The following TTC28 variants were observed in gnomAD, a reference collection of about 807,000 sequenced individuals.
TTC28 encodes tetratricopeptide repeat domain 28, also known as tetratricopeptide repeat protein 28.
Under a neutral mutation model 198.0 loss-of-function variants are expected in TTC28, and 61 were observed. That is an observed-to-expected ratio of 0.31 (90% CI 0.25 to 0.38). The LOEUF is 0.38. Ranked by LOEUF, TTC28 falls within the 10% of genes least tolerant of loss-of-function variation. TTC28 has a pLI of 1.00. For missense variants in TTC28, 2,678 were observed against 3,164.0 expected (o/e 0.85, Z 3.69); for synonymous variants, 1,171 against 1,297.8 (o/e 0.90, Z 2.10).
chr22:28,231,660 G>A (rs937473742), intron 5 of TTC28, among the ~76,000 whole-genome samples: 1 of 152,184 alleles, frequency 6.6e-6, no homozygotes, highest in Non-Finnish European at 1.5e-5. Flanking sequence ...TGCAAGAGTT[G>A]TCAGGAACTC....
At chr22:28,562,949 C>T (rs1233016022) in intron 2 of TTC28, among the ~76,000 whole-genome samples, 2 of 152,024 alleles carry the variant, frequency 1.3e-5, no homozygotes, top group East Asian at 3.9e-4. Flanking sequence ...ATAGCAAAAC[C>T]CTGTCTCTAC....
chr22:28,460,983 C>A (rs1457028113), intron 2 of TTC28, among the ~76,000 whole-genome samples: 2 of 152,134 alleles, frequency 1.3e-5, no homozygotes, highest in Non-Finnish European at 2.9e-5. Context: ...CATACCTGGC[C>A]TCCTATGATT....
At chr22:28,343,705 C>G (rs1480046066) in intron 2 of TTC28, among the ~76,000 whole-genome samples, 1 of 152,172 alleles carries the variant, frequency 6.6e-6, no homozygotes, top group Non-Finnish European at 1.5e-5. Context: ...CTATAAACAT[C>G]TACTGGAGCC....
chr22:28,548,807 C>G (rs948120962), intron 2 of TTC28, among the ~76,000 whole-genome samples: 1 of 152,174 alleles, frequency 6.6e-6, no homozygotes, highest in Non-Finnish European at 1.5e-5. Flanking sequence ...TCCTTACCCC[C>G]ATGACAGTCA....
At chr22:28,008,043 G>A (rs373556462) in intron 14 of TTC28, 1 of 152,276 alleles carries the variant, frequency 6.6e-6, no homozygotes, top group East Asian at 1.9e-4. Context: ...ACCTCATACT[G>A]GAATCTAGGT....
intron 5 of TTC28, among the ~76,000 whole-genome samples, chr22:28,208,795 C>T (rs564823083): frequency 3.0e-4 from 46 of 152,112 alleles, no homozygotes; most frequent in Non-Finnish European, 5.3e-4. Context: ...GAACTGACTC[C>T]GAGAAATGAT....
intron 2 of TTC28, among the ~76,000 whole-genome samples, chr22:28,381,359 G>C (rs558346989): frequency 6.6e-6 from 1 of 152,182 alleles, no homozygotes; most frequent in South Asian, 2.1e-4. Context: ...TACCTTAGAG[G>C]CTTCTTGCAA....
At chr22:28,527,587 T>C (rs1246242325) in intron 2 of TTC28, among the ~76,000 whole-genome samples, 1 of 152,220 alleles carries the variant, frequency 6.6e-6, no homozygotes, top group East Asian at 1.9e-4. Flanking sequence ...CCCTAAGCTT[T>C]AGGGTGCCCT....
At chr22:28,586,763 C>T (rs968026619) in intron 2 of TTC28, among the ~76,000 whole-genome samples, 1 of 152,126 alleles carries the variant, frequency 6.6e-6, no homozygotes, top group African/African-American at 2.4e-5. Flanking sequence ...GTACCTGACA[C>T]ATTTAAAGCA....
At chr22:28,631,737 G>T (rs2051176654) in intron 1 of TTC28, among the ~76,000 whole-genome samples, 1 of 151,998 alleles carries the variant, frequency 6.6e-6, no homozygotes, top group Non-Finnish European at 1.5e-5. Flanking sequence ...TGTTGCCGAG[G>T]CTGGTCTCAA....
intron 1 of TTC28, among the ~76,000 whole-genome samples, chr22:28,647,761 C>T (rs1449313603): frequency 6.6e-6 from 1 of 151,564 alleles, no homozygotes; most frequent in South Asian, 2.1e-4. Context: ...ATGGTGTGAA[C>T]CTGGGAGGCG....
intron 6 of TTC28, among the ~76,000 whole-genome samples, chr22:28,127,068 ATTG>A (rs1942934797): frequency 6.6e-6 from 1 of 152,196 alleles, no homozygotes; most frequent in Non-Finnish European, 1.5e-5. Flanking sequence ...CAAAACACTT[ATTG>A]TTTAGATTGA....
chr22:28,369,329 G>A (rs528452492), intron 2 of TTC28, among the ~76,000 whole-genome samples: 4 of 152,184 alleles, frequency 2.6e-5, no homozygotes, highest in African/African-American at 4.8e-5. Context: ...TACATTGGGG[G>A]AAAGGACAGT....
chr22:28,529,943 A>G (rs117589862), intron 2 of TTC28, among the ~76,000 whole-genome samples: 1 of 152,326 alleles, frequency 6.6e-6, no homozygotes, highest in Non-Finnish European at 1.5e-5. Flanking sequence ...AAAACCACAA[A>G]AATGGGGAAA....
At chr22:28,528,808 A>G (rs2049066626) in intron 2 of TTC28, among the ~76,000 whole-genome samples, 1 of 152,130 alleles carries the variant, frequency 6.6e-6, no homozygotes, top group Admixed American at 6.6e-5. Context: ...TATATTTGCA[A>G]ATAATAAGAT....
chr22:28,422,233 C>A (rs559600998), intron 2 of TTC28, among the ~76,000 whole-genome samples: 13 of 152,248 alleles, frequency 8.5e-5, no homozygotes, highest in Admixed American at 6.5e-4. Flanking sequence ...TCACTTTATA[C>A]TTGAATGGTT....
intron 2 of TTC28, among the ~76,000 whole-genome samples, chr22:28,345,138 C>G (rs2045885616): frequency 2.6e-5 from 4 of 152,028 alleles, no homozygotes; most frequent in Admixed American, 2.6e-4. Flanking sequence ...TAATACCATT[C>G]TGTATCAAAA....
At position 28,554,026 on chromosome 22, in the gene TTC28, C is replaced by A. The variant is rs533289339; in HGVS notation, c.381+75526G>T. 1.3e-4 allele frequency among the ~76,000 whole-genome samples: 20 copies of A among 152,184 alleles called. No individual in the cohort carries two copies. In the East Asian group the frequency reaches 3.7e-3, roughly 28 times the overall value. Reference sequence around the variant, plus strand: ...GGGAGACTTTTCATTTTGTTCTGTACTAAGAAAAATTCTTCTGCCTTGGGA... The same window carrying A: ...GGGAGACTTTTCATTTTGTTCTGTAATAAGAAAAATTCTTCTGCCTTGGGA... On this transcript the variant is annotated intron_variant, in intron 2 of 22. Coordinates refer to ENST00000397906, the MANE Select transcript of TTC28 (RefSeq NM_001145418.2).
intron 5 of TTC28, among the ~76,000 whole-genome samples, chr22:28,171,867 C>T (rs1922716145): frequency 6.6e-6 from 1 of 152,090 alleles, no homozygotes; most frequent in Non-Finnish European, 1.5e-5. Flanking sequence ...GTGTACTGGC[C>T]TCAGGTTCCT....
Sources: gnomAD v4.1 joint callset for allele counts (sites outside exome capture counted in the v4.1 genomes callset) on GRCh38, gnomAD v4.1.1 for gene constraint, MANE v1.5 for transcripts, NCBI Gene and HGNC (gene_info 2026-07-23, HGNC 2026-07-21) for gene names.